The following MLLT3 variants were observed in gnomAD, a reference collection of about 807,000 sequenced individuals.
The protein encoded by MLLT3 is MLLT3 super elongation complex subunit, also known as protein AF-9.
MLLT3 carries 4 observed loss-of-function variants against 53.2 expected under a neutral mutation model. The ratio of observed to expected loss-of-function variants is 0.08; its 90% CI spans 0.04 to 0.17. MLLT3 has a LOEUF of 0.17. Among genes scored for constraint, MLLT3 ranks in the 10% least tolerant of loss-of-function variants. The probability of loss-of-function intolerance (pLI) is 1.00; values close to 1 mark genes in which losing one functional copy is unlikely to be tolerated. For missense variants in MLLT3, 569 were observed against 684.0 expected (o/e 0.83, Z 1.87); for synonymous variants, 283 against 230.6 (o/e 1.23, Z -2.06).
intron 4 of MLLT3, among the ~76,000 whole-genome samples, chr9:20,438,964 C>G (rs995797910): frequency 3.3e-5 from 5 of 152,080 alleles, no homozygotes; most frequent in Non-Finnish European, 7.4e-5. Flanking sequence ...TCACACTACC[C>G]ACAGGCCCAC....
intron 2 of MLLT3, among the ~76,000 whole-genome samples, chr9:20,589,034 T>A (rs1298975462): frequency 6.6e-6 from 1 of 151,302 alleles, no homozygotes; most frequent in Non-Finnish European, 1.5e-5. Context: ...TGGCGATTCC[T>A]CAGGGATCTA....
chr9:20,400,737 GA>G (rs139837160), intron 5 of MLLT3, among the ~76,000 whole-genome samples: 43 of 145,590 alleles, frequency 3.0e-4, no homozygotes, highest in African/African-American at 8.8e-4. Flanking sequence ...ATTACAAAAA[GA>G]AAAAAAAAAC....
In MLLT3 at chr9:20,414,728, A is replaced by G. The variant is rs570741333; in HGVS notation, c.421-303T>C. On this transcript the variant is annotated intron_variant, in intron 4 of 10. Transcript: ENST00000380338. ...TTAACTACTGCTTGTCCTAGAAGAT[A>G]CAAGGATGAATAACACATGGACCCC... is the stretch of plus-strand genomic sequence containing the variant. Among the ~76,000 whole-genome samples the G allele has an allele frequency of 9.2e-5, 14 of 152,352 alleles. No individual in the cohort carries two copies. In the South Asian group the frequency reaches 2.7e-3, roughly 29 times the overall value.
intron 5 of MLLT3, among the ~76,000 whole-genome samples, chr9:20,409,598 T>G (rs1016275423): frequency 1.3e-5 from 2 of 152,170 alleles, no homozygotes; most frequent in African/African-American, 2.4e-5. Flanking sequence ...CAGGAACCAC[T>G]GTACTCTAAT....
intron 5 of MLLT3, among the ~76,000 whole-genome samples, chr9:20,388,467 A>G (rs546921299): frequency 1.8e-4 from 27 of 152,176 alleles, no homozygotes; most frequent in African/African-American, 6.5e-4. Flanking sequence ...GGGCGCCTAT[A>G]GTCCCAGCTA....
intron 10 of MLLT3, among the ~76,000 whole-genome samples, chr9:20,347,123 C>T (rs1820894540): frequency 6.6e-6 from 1 of 150,550 alleles, no homozygotes; most frequent in Admixed American, 6.6e-5. Context: ...GTCTACAATC[C>T]CACCCCCTTA....
chr9:20,486,562 C>T (rs1485081142), intron 2 of MLLT3, among the ~76,000 whole-genome samples: 2 of 152,122 alleles, frequency 1.3e-5, no homozygotes, highest in African/African-American at 2.4e-5. Context: ...GCTAGTAATA[C>T]ATGAAATGAT....
intron 2 of MLLT3, among the ~76,000 whole-genome samples, chr9:20,550,263 A>G (rs984694882): frequency 2.6e-5 from 4 of 152,220 alleles, no homozygotes; most frequent in Non-Finnish European, 5.9e-5. Context: ...TAATGACAGA[A>G]GCACCCAAGT....
Position 20,346,432 on chromosome 9 carries a change from T to C in MLLT3, c.*11A>G. Reference sequence around the variant, plus strand: ...ACACAATAGTTCTTGATGCATCCAGTTGTTATATCCTCAGGATGTTCCAGA... The same window carrying C: ...ACACAATAGTTCTTGATGCATCCAGCTGTTATATCCTCAGGATGTTCCAGA... On this transcript the variant is annotated 3_prime_UTR_variant, in exon 11 of 11. Transcript: ENST00000380338. The C allele has an allele frequency of 6.3e-7, 1 of 1,587,398 alleles. No homozygotes were observed. Among genetic ancestry groups the C allele is most frequent in the Non-Finnish European group, 8.5e-7 (1 of 1,170,234 alleles).
chr9:20,563,032 T>C (rs1246908568), intron 2 of MLLT3, among the ~76,000 whole-genome samples: 1 of 152,160 alleles, frequency 6.6e-6, no homozygotes, highest in Non-Finnish European at 1.5e-5. Flanking sequence ...GCTTGCTAGC[T>C]TAGATCTCAT....
intron 2 of MLLT3, among the ~76,000 whole-genome samples, chr9:20,534,482 T>C (rs1187283463): frequency 6.6e-6 from 1 of 152,250 alleles, no homozygotes; most frequent in Non-Finnish European, 1.5e-5. Context: ...TTCTGAACTT[T>C]AGTAGCATTC....
chr9:20,343,652 A>G lies in MLLT3; in HGVS notation c.*2791T>C, dbSNP rs1820796262. 4.4e-6 allele frequency: 1 copy of G among 226,664 alleles called. No homozygotes were observed. Among genetic ancestry groups the G allele is most frequent in the Admixed American group, 5.7e-5 (1 of 17,540 alleles). The allele number at this position is 226,664 out of a possible 1,614,324, so 14.0% of individuals were successfully genotyped here. ...CTGATCACTGAGGAAAAATTTTTTA[A>G]AAGTTTATCATACTCTGGCTGGTTC... is the stretch of plus-strand genomic sequence containing the variant. On this transcript the variant is annotated 3_prime_UTR_variant, in exon 11 of 11. Transcript: ENST00000380338.
intron 3 of MLLT3, among the ~76,000 whole-genome samples, chr9:20,453,772 T>G (rs1277384890): frequency 6.6e-6 from 1 of 152,198 alleles, no homozygotes; most frequent in African/African-American, 2.4e-5. Context: ...TTTTAAGTCA[T>G]CATTTTTTGA....
chr9:20,515,599 C>T (rs965733814), intron 2 of MLLT3, among the ~76,000 whole-genome samples: 18 of 152,104 alleles, frequency 1.2e-4, no homozygotes, highest in African/African-American at 3.9e-4. Context: ...CCATACTCAC[C>T]GTTTTGTTTT....
intron 5 of MLLT3, among the ~76,000 whole-genome samples, chr9:20,400,429 T>C (rs1403237130): frequency 6.6e-6 from 1 of 152,176 alleles, no homozygotes; most frequent in Admixed American, 6.6e-5. Context: ...TGGAAATTTG[T>C]CCAGTGGCTA....
At chr9:20,424,536 A>C (rs2118800874) in intron 4 of MLLT3, among the ~76,000 whole-genome samples, 1 of 152,290 alleles carries the variant, frequency 6.6e-6, no homozygotes, top group African/African-American at 2.4e-5. Flanking sequence ...TTTTAAGAAA[A>C]CTGGAGAATC....
chr9:20,563,665 T>C (rs760342669), intron 2 of MLLT3, among the ~76,000 whole-genome samples: 11 of 152,136 alleles, frequency 7.2e-5, no homozygotes, highest in African/African-American at 1.2e-4. Context: ...AGAAAGCCCA[T>C]TGTTTTTTTC....
At chr9:20,530,384 T>C (rs1216253018) in intron 2 of MLLT3, among the ~76,000 whole-genome samples, 1 of 152,202 alleles carries the variant, frequency 6.6e-6, no homozygotes, top group East Asian at 1.9e-4. Context: ...ACGTATTTTA[T>C]TCACATACAA....
At chr9:20,599,015 C>A (rs1252999103) in intron 2 of MLLT3, among the ~76,000 whole-genome samples, 1 of 152,122 alleles carries the variant, frequency 6.6e-6, no homozygotes, top group African/African-American at 2.4e-5. Flanking sequence ...TTAGAATTTT[C>A]TTTGAGTAGG....
Sources: gnomAD v4.1 joint callset for allele counts (sites outside exome capture counted in the v4.1 genomes callset) on GRCh38, gnomAD v4.1.1 for gene constraint, MANE v1.5 for transcripts, NCBI Gene and HGNC (gene_info 2026-07-23, HGNC 2026-07-21) for gene names.